Variants in ENTREP2 observed in about 807,000 individuals in gnomAD.
The protein encoded by ENTREP2 is endosomal transmembrane epsin interactor 2.
chr15:29,128,762 T>A, the ENTREP2 span: 74 of 1,533,800 alleles, frequency 4.8e-5, no homozygotes, highest in Admixed American at 1.5e-3. Flanking sequence ...AACACCCCAC[T>A]TCAGGAGCTG....
the ENTREP2 span, among the ~76,000 whole-genome samples, chr15:29,430,306 A>G: frequency 6.6e-6 from 1 of 152,046 alleles, no homozygotes; most frequent in Non-Finnish European, 1.5e-5. Context: ...GCCCCTCTCG[A>G]TGGCCTTGCA....
At chr15:29,131,285 C>A in the ENTREP2 span, among the ~76,000 whole-genome samples, 1 of 151,920 alleles carries the variant, frequency 6.6e-6, no homozygotes, top group African/African-American at 2.4e-5. Context: ...TTATGTGGAT[C>A]GTAAGTGTCA....
the ENTREP2 span, among the ~76,000 whole-genome samples, chr15:29,437,760 T>C: frequency 6.6e-6 from 1 of 152,198 alleles, no homozygotes; most frequent in Non-Finnish European, 1.5e-5. Context: ...CAGAACATTT[T>C]CAAGTAAGAC....
chr15:29,451,235 CTGGT>C, the ENTREP2 span, among the ~76,000 whole-genome samples: 1 of 152,168 alleles, frequency 6.6e-6, no homozygotes, highest in South Asian at 2.1e-4. Flanking sequence ...CCCGGTCTCC[CTGGT>C]CCTTCGCTGA....
chr15:29,207,092 C>T, the ENTREP2 span, among the ~76,000 whole-genome samples: 1 of 152,128 alleles, frequency 6.6e-6, no homozygotes, highest in Non-Finnish European at 1.5e-5. Context: ...CCTCAGCCAG[C>T]CCCTCCAGCT....
the ENTREP2 span, among the ~76,000 whole-genome samples, chr15:29,544,296 T>G: frequency 6.6e-6 from 1 of 152,148 alleles, no homozygotes; most frequent in Admixed American, 6.5e-5. Context: ...CAGTTAGTAG[T>G]CAGATTGATA....
the ENTREP2 span, among the ~76,000 whole-genome samples, chr15:29,343,470 C>T: frequency 3.9e-5 from 6 of 152,076 alleles, no homozygotes; most frequent in African/African-American, 1.4e-4. Context: ...CAAATGAAAC[C>T]TCAACACCTA....
the ENTREP2 span, among the ~76,000 whole-genome samples, chr15:29,631,707 C>A: frequency 6.6e-6 from 1 of 152,234 alleles, no homozygotes; most frequent in Admixed American, 6.5e-5. Flanking sequence ...GATCCTCTTC[C>A]CCATGTCTAG....
the ENTREP2 span, among the ~76,000 whole-genome samples, chr15:29,399,088 C>T: frequency 2.0e-5 from 3 of 152,214 alleles, no homozygotes; most frequent in Non-Finnish European, 4.4e-5. Context: ...CCTCTAAGAG[C>T]TGAGAGCTTC....
At chr15:29,232,516 G>C in the ENTREP2 span, among the ~76,000 whole-genome samples, 1 of 151,266 alleles carries the variant, frequency 6.6e-6, no homozygotes, top group Non-Finnish European at 1.5e-5. Flanking sequence ...AAAGAGATGG[G>C]GGGTCTCACT....
At chr15:29,463,300 T>C in the ENTREP2 span, among the ~76,000 whole-genome samples, 4 of 152,052 alleles carry the variant, frequency 2.6e-5, no homozygotes, top group Non-Finnish European at 5.9e-5. Context: ...CCTCAGAGGA[T>C]ACTGAAACCC....
At chr15:29,448,883 C>G in the ENTREP2 span, among the ~76,000 whole-genome samples, 1 of 152,152 alleles carries the variant, frequency 6.6e-6, no homozygotes, top group Non-Finnish European at 1.5e-5. Context: ...CAAATGAAAT[C>G]TGGGTCTTGG....
chr15:29,480,454 G>A, the ENTREP2 span, among the ~76,000 whole-genome samples: 12 of 151,498 alleles, frequency 7.9e-5, no homozygotes, highest in South Asian at 1.7e-3. Context: ...AGTGGGCAGC[G>A]TTCTTTGTTC....
chr15:29,599,230 G>T, the ENTREP2 span, among the ~76,000 whole-genome samples: 1 of 152,222 alleles, frequency 6.6e-6, no homozygotes, highest in Non-Finnish European at 1.5e-5. Context: ...TGCTGAGCAT[G>T]CACAGAAAGC....
the ENTREP2 span, among the ~76,000 whole-genome samples, chr15:29,552,039 T>A: frequency 3.9e-5 from 6 of 152,152 alleles, no homozygotes; most frequent in African/African-American, 1.4e-4. Context: ...TGCTTAAACG[T>A]GACAATGTCA....
the ENTREP2 span, among the ~76,000 whole-genome samples, chr15:29,669,280 A>G: frequency 1.3e-5 from 2 of 152,154 alleles, no homozygotes; most frequent in Non-Finnish European, 2.9e-5. Context: ...GAATAGATTA[A>G]CCCATTCATG....
the ENTREP2 span, among the ~76,000 whole-genome samples, chr15:29,222,874 T>A: frequency 7.2e-5 from 11 of 152,262 alleles, no homozygotes; most frequent in Admixed American, 3.3e-4. Context: ...ATAACGTTTT[T>A]ATGAGTTTAA....
the ENTREP2 span, among the ~76,000 whole-genome samples, chr15:29,490,663 A>C: frequency 6.6e-6 from 1 of 152,214 alleles, no homozygotes; most frequent in Non-Finnish European, 1.5e-5. Context: ...CCAAGTCCCC[A>C]CTAGATTAGC....
At chr15:29,657,011 G>C in the ENTREP2 span, among the ~76,000 whole-genome samples, 1 of 152,132 alleles carries the variant, frequency 6.6e-6, no homozygotes, top group African/African-American at 2.4e-5. Context: ...TGGTCTCGCT[G>C]CCTTCAAGAA....
Sources: gnomAD v4.1 joint callset for allele counts (sites outside exome capture counted in the v4.1 genomes callset) on GRCh38, gnomAD v4.1.1 for gene constraint, MANE v1.5 for transcripts, NCBI Gene and HGNC (gene_info 2026-07-23, HGNC 2026-07-21) for gene names.